The following IQSEC3 variants were observed in gnomAD, a reference collection of about 807,000 sequenced individuals.
IQSEC3 encodes IQ motif and Sec7 domain ArfGEF 3, also known as IQ motif and SEC7 domain-containing protein 3.
IQSEC3 carries 50 observed loss-of-function variants against 105.4 expected under a neutral mutation model. The observed-to-expected ratio is 0.47, with a 90% confidence interval of 0.38 to 0.60. IQSEC3 has a LOEUF of 0.60. Ranked by LOEUF, IQSEC3 falls within the 20% of genes least tolerant of loss-of-function variation. The pLI is 0.00. For synonymous variants in IQSEC3, 708 were observed against 746.0 expected, an observed-to-expected ratio of 0.95 and a Z score of 0.83; for missense variants, 1,415 against 1,630.0, an observed-to-expected ratio of 0.87 and a Z score of 2.27.
At chr12:132,010 A>G (rs1336447523) in intron 3 of IQSEC3, among the ~76,000 whole-genome samples, 1 of 152,058 alleles carries the variant, frequency 6.6e-6, no homozygotes, top group African/African-American at 2.4e-5. Flanking sequence ...GGGGGAGGGA[A>G]AGGGAGGGAA....
intron 13 of IQSEC3, among the ~76,000 whole-genome samples, chr12:171,978 C>T (rs1022035206): frequency 2.0e-5 from 3 of 152,084 alleles, no homozygotes; most frequent in African/African-American, 2.4e-5. Flanking sequence ...CTACAAGCCT[C>T]GTGAGCCCCA....
chr12:168,933 G>C, intron 11 of IQSEC3, 80 bp from the exon 12 acceptor site: 1 of 1,188,460 alleles, frequency 8.4e-7, no homozygotes, highest in Non-Finnish European at 1.3e-6. Context: ...TCCCCTTTCT[G>C]CTGGCCCCTC....
chr12:98,392 G>A (rs903701120), intron 1 of IQSEC3, among the ~76,000 whole-genome samples: 56 of 152,180 alleles, frequency 3.7e-4, no homozygotes, highest in African/African-American at 1.4e-3. Flanking sequence ...AGTCCTGGGG[G>A]GAAGGGAAGG....
chr12:129,956 G>A (rs552158402), intron 3 of IQSEC3, among the ~76,000 whole-genome samples: 1 of 152,070 alleles, frequency 6.6e-6, no homozygotes, highest in Non-Finnish European at 1.5e-5. Context: ...GTGAACCAAA[G>A]GCTGTACCAG....
At chr12:71,128 G>C (rs1368448469) in intron 1 of IQSEC3, among the ~76,000 whole-genome samples, 2 of 152,276 alleles carry the variant, frequency 1.3e-5, no homozygotes, top group Admixed American at 1.3e-4. Flanking sequence ...TCTGGCTGGA[G>C]GCTGGGGATA....
At chr12:103,491 C>T (rs1864500601) in intron 2 of IQSEC3, among the ~76,000 whole-genome samples, 2 of 31,676 alleles carry the variant, frequency 6.3e-5, no homozygotes, top group Admixed American at 6.7e-4. Context: ...GGAGGCGGGG[C>T]TCGGGGGGTA....
chr12:137,874 G>C (rs1555086892), intron 3 of IQSEC3, among the ~76,000 whole-genome samples: 1 of 150,774 alleles, frequency 6.6e-6, no homozygotes, highest in East Asian at 1.9e-4. Context: ...ATGTTGCCCA[G>C]CCTGGTCGCA....
Position 177,823 on chromosome 12 carries a change from G to A in IQSEC3, c.*2790G>A, listed in dbSNP as rs1565458391. Reference sequence around the variant, plus strand: ...CTCCCCACGGCAGCAGACAGGGCAGGGCCTCCAGCCCCCAGAGGGCCGGTG... The same window carrying A: ...CTCCCCACGGCAGCAGACAGGGCAGAGCCTCCAGCCCCCAGAGGGCCGGTG... On this transcript the variant is annotated 3_prime_UTR_variant, in exon 14 of 14. Coordinates refer to ENST00000538872, the MANE Select transcript of IQSEC3 (RefSeq NM_001170738.2). The surrounding 1 kb of genome is among the most constrained non-coding windows in gnomAD (Gnocchi z 5.3). The A allele has an allele frequency of 6.6e-6, 1 of 152,172 alleles. No homozygotes were observed. The highest frequency in any genetic ancestry group is 2.4e-5 in the African/African-American group (1 of 41,306). 9.4% of individuals were successfully genotyped at this position (152,172 alleles called of 1,614,324 possible). A position where few individuals can be genotyped will look rare whatever the true frequency, so the allele number is the denominator to read the frequency against.
At chr12:135,561 A>C (rs1263465025) in intron 3 of IQSEC3, among the ~76,000 whole-genome samples, 1 of 152,232 alleles carries the variant, frequency 6.6e-6, no homozygotes, top group Non-Finnish European at 1.5e-5. Context: ...GGATGAGTGA[A>C]TGTGATGGGA....
At chr12:159,622 G>A (rs1325669893) in intron 7 of IQSEC3, among the ~76,000 whole-genome samples, 1 of 152,144 alleles carries the variant, frequency 6.6e-6, no homozygotes, top group Non-Finnish European at 1.5e-5. Context: ...CCTTTTGTCT[G>A]TTACTCTTTC....
intron 2 of IQSEC3, among the ~76,000 whole-genome samples, chr12:100,948 A>G (rs1177796670): frequency 6.6e-6 from 1 of 152,134 alleles, no homozygotes; most frequent in African/African-American, 2.4e-5. Context: ...ACAGGGCCCG[A>G]GTCTTCTTCC....
chr12:94,237 G>A (rs782560010), intron 1 of IQSEC3, among the ~76,000 whole-genome samples: 15 of 152,160 alleles, frequency 9.9e-5, no homozygotes, highest in African/African-American at 2.2e-4. Flanking sequence ...ATGAATGCCC[G>A]CTTGCCAAAA....
intron 5 of IQSEC3, among the ~76,000 whole-genome samples, chr12:150,528 C>T (rs1337591701): frequency 1.3e-5 from 2 of 152,102 alleles, no homozygotes; most frequent in African/African-American, 4.8e-5. Context: ...GGGGCTCCTC[C>T]AGAGGAAAGA....
intron 1 of IQSEC3, among the ~76,000 whole-genome samples, chr12:92,865 A>AT (rs1864133291): frequency 2.0e-5 from 3 of 152,162 alleles, no homozygotes; most frequent in African/African-American, 7.2e-5. Context: ...TTGAGGAGAC[A>AT]TTTTCTGCCC....
chr12:108,975 G>A (rs1591663701), intron 2 of IQSEC3, among the ~76,000 whole-genome samples: 1 of 152,350 alleles, frequency 6.6e-6, no homozygotes, highest in Non-Finnish European at 1.5e-5. Flanking sequence ...GAGGGGACTT[G>A]GTGGCTTTTC....
chr12:69,916 A>G (rs1204391264), intron 1 of IQSEC3, among the ~76,000 whole-genome samples: 3 of 152,232 alleles, frequency 2.0e-5, no homozygotes, highest in African/African-American at 7.2e-5. Flanking sequence ...GCAGACAGAG[A>G]TCTCCATGGA....
intron 5 of IQSEC3, chr12:149,162 G>A (rs1866404016): frequency 6.6e-6 from 1 of 152,248 alleles, no homozygotes; most frequent in Non-Finnish European, 1.5e-5. Flanking sequence ...GAAGCTCACA[G>A]GAAAGAGGGG....
intron 3 of IQSEC3, among the ~76,000 whole-genome samples, chr12:132,761 C>T (rs1056829907): frequency 2.0e-5 from 3 of 152,084 alleles, no homozygotes; most frequent in African/African-American, 7.2e-5. Flanking sequence ...GTGGCATAGC[C>T]TAGATGGACA....
chr12:166,507 C>T (rs1260205756), intron 11 of IQSEC3, among the ~76,000 whole-genome samples: 1 of 152,142 alleles, frequency 6.6e-6, no homozygotes, highest in African/African-American at 2.4e-5. Flanking sequence ...AGGTGGTTTA[C>T]TGGCTGCTGT....
Sources: allele counts gnomAD v4.1 joint callset (sites outside exome capture counted in the v4.1 genomes callset), GRCh38; gene constraint gnomAD v4.1.1; non-coding constraint Gnocchi (gnomAD v3.1); transcripts MANE v1.5; gene names NCBI Gene and HGNC (gene_info 2026-07-23, HGNC 2026-07-21).